The following LRRC59 variants were observed in gnomAD, a reference collection of about 807,000 sequenced individuals.
LRRC59 encodes leucine-rich repeat-containing protein 59.
A neutral mutation model predicts 33.5 loss-of-function variants in LRRC59; 18 were observed. The ratio of observed to expected loss-of-function variants is 0.54; its 90% confidence interval spans 0.37 to 0.80. LRRC59 has a LOEUF of 0.80. Among genes scored for constraint, LRRC59 ranks in the 30% least tolerant of loss-of-function variants. LRRC59 has a pLI of 0.00. For missense variants in LRRC59, 330 were observed against 391.9 expected (o/e 0.84, Z 1.33); for synonymous variants, 138 against 160.0 (o/e 0.86, Z 1.04).
intron 4 of LRRC59, 144 bp from the exon 5 acceptor site, chr17:50,388,276 C>T (rs923931359): frequency 1.5e-5 from 11 of 710,488 alleles, no homozygotes; most frequent in East Asian, 8.1e-5. Context: ...TGGTGGCTCA[C>T]GCCTGTAACC....
At chr17:50,392,553 A>G in intron 3 of LRRC59, 51 bp from the exon 4 acceptor site, 1 of 1,513,792 alleles carries the variant, frequency 6.6e-7, no homozygotes, top group East Asian at 2.3e-5. Context: ...GAGTTCACAT[A>G]CATAGTCCCT....
At chr17:50,383,514 A>C (rs774250471) in intron 6 of LRRC59, among the ~76,000 whole-genome samples, 49 of 152,172 alleles carry the variant, frequency 3.2e-4, no homozygotes, top group Non-Finnish European at 6.5e-4. Context: ...ATGGTGATCC[A>C]CGCCTCTTGG....
intron 1 of LRRC59, chr17:50,396,190 C>T (rs4793653): frequency 0.87 from 131,805 of 152,290 alleles, 58,253 homozygotes; most frequent in Middle Eastern, 0.94. Flanking sequence ...AATACTACAG[C>T]GGGAAAAACA....
intron 5 of LRRC59, 93 bp downstream of exon 5, chr17:50,387,954 AACTGTTCTTCATG>A: frequency 9.2e-7 from 1 of 1,091,858 alleles, no homozygotes; most frequent in Non-Finnish European, 1.4e-6. Flanking sequence ...ACCGCCCACT[AACTGTTCTTCATG>A]ACTACTCTAC....
rs57027679 is a variant in LRRC59 at position 50,390,097 on chromosome 17, CAAAAAAA to C, written c.430-1972_430-1966del. Among the ~76,000 whole-genome samples the C allele has an allele frequency of 1.3e-4, 11 of 85,300 alleles. No individual in the cohort carries two copies. The East Asian group carries it at 1.4e-3, about 11-fold the overall frequency. 56.0% of individuals were successfully genotyped at this position (85,300 alleles called of 152,430 possible). ...TGGACGATAGAGCGTGACTCTGTCT[CAAAAAAA>C]AAAAAAAAAAAAGAAAAAGGAAAGA... On this transcript the variant is annotated intron_variant, in intron 4 of 6. Coordinates refer to ENST00000225972, the MANE Select transcript of LRRC59 (RefSeq NM_018509.4).
At chr17:50,393,869 T>C (rs1914208813) in intron 2 of LRRC59, among the ~76,000 whole-genome samples, 1 of 152,214 alleles carries the variant, frequency 6.6e-6, no homozygotes, top group African/African-American at 2.4e-5. Context: ...TATTTTTAAT[T>C]TTTTAGAGGC....
chr17:50,397,388 A>G lies in LRRC59; in HGVS notation c.-71T>C. The G allele has an allele frequency of 8.1e-7, 1 of 1,227,666 alleles. No homozygotes were observed. The allele number at this position is 1,227,666 out of a possible 1,614,324, so 76.0% of individuals were successfully genotyped here. On this transcript the variant is annotated 5_prime_UTR_variant, in exon 1 of 7. Coordinates refer to ENST00000225972, the MANE Select transcript of LRRC59 (RefSeq NM_018509.4). ...GAAAGGAGCTGAAATGTCGCTTGTC[A>G]GTTCAGCGGCCCCCCACCCAAACGA...
chr17:50,382,898 T>C lies in LRRC59; in HGVS notation c.*90A>G, dbSNP rs1913902100. 6.6e-7 allele frequency: 1 copy of C among 1,506,900 alleles called. No homozygotes were observed. The highest frequency in any genetic ancestry group is 1.4e-5 in the African/African-American group (1 of 72,866). The allele number at this position is 1,506,900 out of a possible 1,614,324, so 93.3% of individuals were successfully genotyped here. On this transcript the variant is annotated 3_prime_UTR_variant, in exon 7 of 7. Transcript: ENST00000225972. ...GCCATTTGATGATGGCAGGTAGGTCTGATGCTAAAAAGAGGTTGTGTCCAG... is the reference window on the plus strand; with the variant it reads ...GCCATTTGATGATGGCAGGTAGGTCCGATGCTAAAAAGAGGTTGTGTCCAG...
chr17:50,385,079 G>C (rs1210124898), intron 6 of LRRC59, 39 bp downstream of exon 6: 2 of 1,602,784 alleles, frequency 1.2e-6, no homozygotes, highest in Admixed American at 3.4e-5. Flanking sequence ...TGTCTCCACT[G>C]TACCCCTGCT....
chr17:50,391,792 C>T (rs1329590922), intron 4 of LRRC59, among the ~76,000 whole-genome samples: 1 of 152,218 alleles, frequency 6.6e-6, no homozygotes, highest in Non-Finnish European at 1.5e-5. Context: ...CCCCTAACCC[C>T]CGGTACTATT....
chr17:50,396,678 G>A (rs758942856), intron 1 of LRRC59: 3 of 155,390 alleles, frequency 1.9e-5, no homozygotes, highest in Non-Finnish European at 2.8e-5. Context: ...ACTCCCGCCA[G>A]TTTCAGCGGA....
At chr17:50,392,597 C>A in intron 3 of LRRC59, 95 bp from the exon 4 acceptor site, 1 of 1,448,004 alleles carries the variant, frequency 6.9e-7, no homozygotes, top group Non-Finnish European at 9.6e-7. Flanking sequence ...AAGAATGCCC[C>A]TCTGTGTTCC....
chr17:50,394,863 C>A, intron 2 of LRRC59, 66 bp downstream of exon 2: 4 of 1,145,394 alleles, frequency 3.5e-6, no homozygotes, highest in Middle Eastern at 2.1e-4. Flanking sequence ...CCCCTCTCAA[C>A]CCCCGAAACA....
intron 5 of LRRC59, among the ~76,000 whole-genome samples, chr17:50,385,558 C>T (rs1168082982): frequency 6.6e-6 from 1 of 152,196 alleles, no homozygotes; most frequent in East Asian, 1.9e-4. Flanking sequence ...ACAAGGAGGA[C>T]CTAAGAAAGG....
At chr17:50,386,068 G>T (rs1913993904) in intron 5 of LRRC59, 1 of 151,546 alleles carries the variant, frequency 6.6e-6, no homozygotes, top group Non-Finnish European at 1.5e-5. Flanking sequence ...GAAAATAAAA[G>T]AAAAAAAGTA....
At chr17:50,392,106 A>T (rs907551957) in intron 4 of LRRC59, among the ~76,000 whole-genome samples, 1 of 152,230 alleles carries the variant, frequency 6.6e-6, no homozygotes, top group Non-Finnish European at 1.5e-5. Flanking sequence ...AGGCTGAGGC[A>T]GGAGAATCGC....
At chr17:50,388,165 C>T (rs371638033) in intron 4 of LRRC59, 33 bp from the exon 5 acceptor site, 6 of 1,594,590 alleles carry the variant, frequency 3.8e-6, no homozygotes, top group Non-Finnish European at 5.2e-6. Context: ...TAGTGCTCTT[C>T]ATAGTCATGT....
Position 50,381,638 on chromosome 17 carries a change from A to G in LRRC59, c.*1350T>C, listed in dbSNP as rs1913851370. On this transcript the variant is annotated 3_prime_UTR_variant, in exon 7 of 7. Transcript: ENST00000225972. ...GCTAAAAGGCCCTCTGTGTCTCTGA[A>G]CTATGAGATTCTTGCTCCCTCCGGG... The G allele has an allele frequency of 6.6e-6, 1 of 152,656 alleles. No homozygotes were observed. Among genetic ancestry groups the G allele is most frequent in the Non-Finnish European group, 1.5e-5 (1 of 68,062 alleles). 9.5% of individuals were successfully genotyped at this position (152,656 alleles called of 1,614,324 possible). A position where few individuals can be genotyped will look rare whatever the true frequency, so the allele number is the denominator to read the frequency against.
intron 6 of LRRC59, 118 bp from the exon 7 acceptor site, chr17:50,383,353 C>T: frequency 7.7e-7 from 1 of 1,296,194 alleles, no homozygotes; most frequent in Non-Finnish European, 1.0e-6. Context: ...AGCAAAAACT[C>T]CCCAGGCCCT....
Sources: allele counts gnomAD v4.1 joint callset (sites outside exome capture counted in the v4.1 genomes callset), GRCh38; gene constraint gnomAD v4.1.1; transcripts MANE v1.5; gene names NCBI Gene and HGNC (gene_info 2026-07-23, HGNC 2026-07-21).